Variants in PHEX observed in about 807,000 individuals in gnomAD.
PHEX encodes the protein phosphate regulating endopeptidase X-linked.
In PHEX, 16 loss-of-function variants were observed where a neutral mutation model predicts 68.0. That is an observed-to-expected ratio of 0.24 (90% CI 0.16 to 0.36). The LOEUF (loss-of-function observed/expected upper bound fraction) is 0.36, where lower values mean the gene tolerates loss of function less well. PHEX is among the 10% of genes least tolerant of loss of function. The probability of loss-of-function intolerance (pLI) is 1.00; values close to 1 mark genes in which losing one functional copy is unlikely to be tolerated. For synonymous variants in PHEX, 208 were observed against 205.1 expected (o/e 1.01, Z -0.12); for missense variants, 480 against 575.5 (o/e 0.83, Z 1.70).
intron 13 of PHEX, among the ~76,000 whole-genome samples, chrX:22,170,248 A>G (rs1933477316): frequency 8.9e-6 from 1 of 111,941 alleles, no homozygotes; most frequent in African/African-American, 3.3e-5. Flanking sequence ...TCAGGGCACA[A>G]AGTACCTTAG....
In PHEX at chrX:22,153,122, A is replaced by G. The variant is rs768503647; in HGVS notation, c.1405-15190A>G. Among the ~76,000 whole-genome samples the G allele has an allele frequency of 7.2e-5, 8 of 110,416 alleles. No individual in the cohort carries two copies. The South Asian group carries it at 2.7e-3, about 38-fold the overall frequency. On this transcript the variant is annotated intron_variant, in intron 12 of 21. Transcript: ENST00000379374. ...TAGTCCTGCCTCAGCTTCCTGAGTA[A>G]TTGGGACTATAGGCATGCACCACAA... is the stretch of plus-strand genomic sequence containing the variant.
At chrX:22,168,069 T>G (rs1314467802) in intron 12 of PHEX, among the ~76,000 whole-genome samples, 1 of 111,487 alleles carries the variant, frequency 9.0e-6, no homozygotes, top group African/African-American at 3.3e-5. Flanking sequence ...TATTGTCTAT[T>G]TCTATTAAAT....
In PHEX at chrX:22,047,038, C is replaced by G; in HGVS notation, c.188-12C>G. ...TGCTTGTCATTAATCCTATGATTTT[C>G]TTTCTAAATAGCTGCTGCCATCTTA... On this transcript the variant is annotated splice_polypyrimidine_tract_variant and intron_variant, in intron 2 of 21. Transcript: ENST00000379374. The G allele has an allele frequency of 8.4e-7, 1 of 1,197,011 alleles. No individual in the cohort carries two copies. Among genetic ancestry groups the G allele is most frequent in the Non-Finnish European group, 1.1e-6 (1 of 882,081 alleles).
intron 9 of PHEX, among the ~76,000 whole-genome samples, chrX:22,102,782 T>G (rs1001435539): frequency 8.9e-5 from 10 of 112,114 alleles, no homozygotes; most frequent in Admixed American, 5.6e-4. Context: ...GCTCAGGATA[T>G]GTAGAGGAAA....
At chrX:22,081,462 G>A (rs944757739) in intron 5 of PHEX, among the ~76,000 whole-genome samples, 1 of 111,396 alleles carries the variant, frequency 9.0e-6, no homozygotes, top group Non-Finnish European at 1.9e-5. Context: ...CCTCAATGTC[G>A]TTAGGCTTCC....
At position 22,248,020 on chromosome X, in the gene PHEX, C is replaced by T. The variant is rs2147217591; in HGVS notation, c.*67C>T. 2.6e-6 allele frequency: 2 copies of T among 767,005 alleles called. No homozygotes were observed. Among genetic ancestry groups the T allele is most frequent in the East Asian group, 6.3e-5 (2 of 31,702 alleles). The allele number at this position is 767,005 out of a possible 1,213,427, so 63.2% of individuals were successfully genotyped here. Reference sequence around the variant, plus strand: ...GCCAGCGGAGGCTGCACTGAGCCTTCATCGCCCATTGCTTTAGGCCTGGAG... The same window carrying T: ...GCCAGCGGAGGCTGCACTGAGCCTTTATCGCCCATTGCTTTAGGCCTGGAG... On this transcript the variant is annotated 3_prime_UTR_variant, in exon 22 of 22. Coordinates refer to ENST00000379374, the MANE Select transcript of PHEX (RefSeq NM_000444.6).
At chrX:22,105,399 G>GC (rs1205250478) in intron 9 of PHEX, among the ~76,000 whole-genome samples, 2 of 111,927 alleles carry the variant, frequency 1.8e-5, no homozygotes, top group Non-Finnish European at 3.8e-5. Flanking sequence ...CAGTCTGCTG[G>GC]CCCCCCACCC....
intron 13 of PHEX, among the ~76,000 whole-genome samples, chrX:22,175,272 A>G (rs1198389418): frequency 9.0e-6 from 1 of 110,962 alleles, no homozygotes; most frequent in Non-Finnish European, 1.9e-5. Context: ...GTTTCCCCCA[A>G]TTATTTTCAG....
chrX:22,108,584 G>T (rs1478463083), intron 9 of PHEX, among the ~76,000 whole-genome samples: 1 of 111,793 alleles, frequency 8.9e-6, no homozygotes. Flanking sequence ...CCCTTCATTT[G>T]ATCTGTATGG....
intron 18 of PHEX, among the ~76,000 whole-genome samples, chrX:22,222,201 C>A (rs776429599): frequency 9.0e-6 from 1 of 111,573 alleles, no homozygotes; most frequent in Admixed American, 9.5e-5. Flanking sequence ...GTGTCCTGGA[C>A]AGCCATTTCT....
At chrX:22,244,145 A>T (rs138258982) in intron 20 of PHEX, among the ~76,000 whole-genome samples, 2,277 of 111,558 alleles carry the variant, frequency 0.02, 27 homozygotes, top group Non-Finnish European at 0.033. Flanking sequence ...GACATGGATG[A>T]AGCTGGAAGC....
intron 5 of PHEX, among the ~76,000 whole-genome samples, chrX:22,084,058 A>C (rs756515380): frequency 8.9e-6 from 1 of 112,302 alleles, no homozygotes; most frequent in Non-Finnish European, 1.9e-5. Context: ...GTTGAATTTT[A>C]TTGAATGCTT....
chrX:22,035,979 G>C (rs370697398), intron 1 of PHEX, among the ~76,000 whole-genome samples: 2 of 94,963 alleles, frequency 2.1e-5, no homozygotes, highest in East Asian at 6.4e-4. Flanking sequence ...GGGTCTGTCA[G>C]TGTCCCAATT....
At chrX:22,142,590 T>A (rs1932517704) in intron 12 of PHEX, among the ~76,000 whole-genome samples, 1 of 112,320 alleles carries the variant, frequency 8.9e-6, no homozygotes, top group African/African-American at 3.2e-5. Flanking sequence ...AATCAGCCAA[T>A]TTGTTCATCC....
At chrX:22,036,973 C>A (rs1176738785) in intron 1 of PHEX, among the ~76,000 whole-genome samples, 1 of 107,448 alleles carries the variant, frequency 9.3e-6, no homozygotes, top group Non-Finnish European at 1.9e-5. Context: ...GTGGCGGGTG[C>A]CTGTAGTCCC....
intron 17 of PHEX, among the ~76,000 whole-genome samples, chrX:22,221,169 C>G (rs932390419): frequency 9.0e-6 from 1 of 111,471 alleles, no homozygotes; most frequent in African/African-American, 3.3e-5. Context: ...GAGTCAGGGT[C>G]TATGATCGCA....
intron 8 of PHEX, among the ~76,000 whole-genome samples, 162 bp from the exon 9 acceptor site, chrX:22,098,844 G>T (rs1190202516): frequency 1.0e-5 from 1 of 98,699 alleles, no homozygotes; most frequent in Non-Finnish European, 2.0e-5. Flanking sequence ...AGGTCTGGAT[G>T]GCAATGATCA....
chrX:22,183,937 T>C (rs1172652769), intron 14 of PHEX, among the ~76,000 whole-genome samples: 1 of 112,179 alleles, frequency 8.9e-6, no homozygotes, highest in Non-Finnish European at 1.9e-5. Flanking sequence ...TGATGAACTT[T>C]CAGATTCTAA....
chrX:22,120,884 A>G (rs1026504896), intron 11 of PHEX, among the ~76,000 whole-genome samples: 2 of 112,156 alleles, frequency 1.8e-5, no homozygotes, highest in Non-Finnish European at 3.8e-5. Flanking sequence ...TGTTGATGGG[A>G]AAAAAGGCCT....
Sources: allele counts gnomAD v4.1 joint callset (sites outside exome capture counted in the v4.1 genomes callset), GRCh38; gene constraint gnomAD v4.1.1; transcripts MANE v1.5; gene names NCBI Gene and HGNC (gene_info 2026-07-23, HGNC 2026-07-21).